PDXDC1: variants seen among roughly 807,000 people sequenced by gnomAD.
PDXDC1 encodes pyridoxal dependent decarboxylase domain containing 1, also known as pyridoxal-dependent decarboxylase domain-containing protein 1.
A neutral mutation model predicts 100.1 loss-of-function variants in PDXDC1; 42 were observed. The observed-to-expected ratio is 0.42, with a 90% CI of 0.33 to 0.54. The LOEUF (loss-of-function observed/expected upper bound fraction) is 0.54. Ranked by LOEUF, PDXDC1 falls within the 20% of genes least tolerant of loss-of-function variation. PDXDC1 has a pLI of 0.10. For missense variants in PDXDC1, 636 were observed against 979.2 expected, an observed-to-expected ratio of 0.65 and a Z score of 4.68; for synonymous variants, 260 against 371.7, an observed-to-expected ratio of 0.70 and a Z score of 3.46.
In PDXDC1 at chr16:15,037,993, C is replaced by T. The variant is rs781693945; in HGVS notation, c.*1718C>T. On this transcript the variant is annotated 3_prime_UTR_variant, in exon 23 of 23. Transcript: ENST00000396410. ...CGTGCCAGCCCCACCAATGGTCTGT[C>T]AGGCCAAGAAGGTGCTTTCTTTGGT... 5 of 1,536,550 alleles carry T rather than the reference C, an allele frequency of 3.3e-6. No individual in the cohort carries two copies. The Admixed American group carries it at 5.3e-5, about 16-fold the overall frequency.
chr16:15,102,360 T>C (rs2046586064), intron 16 of PDXDC1, among the ~76,000 whole-genome samples: 1 of 152,072 alleles, frequency 6.6e-6, no homozygotes, highest in Non-Finnish European at 1.5e-5. Flanking sequence ...GGGTGTAGCC[T>C]GGTGAGGCCT....
At chr16:15,151,879 C>T in the PDXDC1 span, among the ~76,000 whole-genome samples, 2 of 130,188 alleles carry the variant, frequency 1.5e-5, no homozygotes, top group East Asian at 4.3e-4. Context: ...TGCCATGAGC[C>T]GAGATCGTGC....
intron 17 of PDXDC1, 125 bp from the exon 18 acceptor site, chr16:15,032,736 G>A (rs1327759066): frequency 2.1e-5 from 13 of 633,122 alleles, no homozygotes; most frequent in East Asian, 5.8e-5. Context: ...GGAGACACTC[G>A]CAGTAGCTCT....
At chr16:15,003,407 G>A (rs1377161587) in intron 4 of PDXDC1, among the ~76,000 whole-genome samples, 1 of 152,086 alleles carries the variant, frequency 6.6e-6, no homozygotes, top group Non-Finnish European at 1.5e-5. Flanking sequence ...TAGTAGAGAT[G>A]GGGTTTCACC....
rs571088597 is a variant in PDXDC1, at chr16:14,998,263, G to A, written c.96-77G>A. 1.5e-4 allele frequency: 216 copies of A among 1,470,726 alleles called. No homozygotes were observed. In the East Asian group the frequency reaches 4.9e-3, roughly 33 times the overall value. 91.1% of individuals were successfully genotyped at this position (1,470,726 alleles called of 1,614,324 possible). A position where few individuals can be genotyped will look rare whatever the true frequency, so the allele number is the denominator to read the frequency against. On this transcript the variant is annotated intron_variant, in intron 2 of 22. Transcript: ENST00000396410. ...TCACTGGGAGGTTATAGGCAACATG[G>A]TCATGTTTGCATATTCAGGAGTTAG...
intron 16 of PDXDC1, among the ~76,000 whole-genome samples, chr16:15,053,634 G>C (rs1047698636): frequency 2.6e-5 from 4 of 152,090 alleles, no homozygotes; most frequent in Non-Finnish European, 4.4e-5. Context: ...ATCCAGGCCA[G>C]GTGGAGTGGC....
chr16:15,101,336 A>C (rs528140236), intron 16 of PDXDC1, among the ~76,000 whole-genome samples: 29 of 152,300 alleles, frequency 1.9e-4, no homozygotes, highest in Admixed American at 1.0e-3. Context: ...TTGTTTTTTG[A>C]GACGGAGTCT....
intron 8 of PDXDC1, among the ~76,000 whole-genome samples, chr16:15,010,733 A>G (rs2041191965): frequency 6.6e-6 from 1 of 152,296 alleles, no homozygotes; most frequent in Non-Finnish European, 1.5e-5. Context: ...ATAGATAGAA[A>G]ACTAAAGAAA....
intron 16 of PDXDC1, chr16:15,134,459 C>T: frequency 2.2e-6 from 1 of 451,556 alleles, no homozygotes; most frequent in South Asian, 2.0e-5. Context: ...GGCCTGGCCA[C>T]TGCCGGTGAG....
chr16:15,042,181 A>G (rs1405259629), downstream of PDXDC1, among the ~76,000 whole-genome samples: 1 of 143,788 alleles, frequency 7.0e-6, no homozygotes, highest in Non-Finnish European at 1.5e-5. Context: ...AGACAATTTT[A>G]TATCTTTTTT....
chr16:15,066,049 C>T (rs1466755994), intron 16 of PDXDC1, among the ~76,000 whole-genome samples: 1 of 152,180 alleles, frequency 6.6e-6, no homozygotes, highest in African/African-American at 2.4e-5. Context: ...ACAGCTTCTC[C>T]AAGATGAGGA....
At chr16:14,989,926 G>T (rs953500480) in intron 1 of PDXDC1, 1 of 1,489,520 alleles carries the variant, frequency 6.7e-7, no homozygotes, top group Non-Finnish European at 8.8e-7. Context: ...GCCTCGCCGC[G>T]CTCCCGCAGG....
intron 16 of PDXDC1, among the ~76,000 whole-genome samples, chr16:15,056,726 GA>G (rs1455852569): frequency 6.6e-6 from 1 of 152,186 alleles, no homozygotes; most frequent in African/African-American, 2.4e-5. Flanking sequence ...CCAGGAGTGG[GA>G]GGCTGCAATG....
intron 16 of PDXDC1, chr16:15,056,007 G>T (rs1258751180): frequency 2.6e-6 from 3 of 1,138,954 alleles, no homozygotes; most frequent in Admixed American, 9.1e-5. Flanking sequence ...CCAGGGAGGC[G>T]GCGGCCCCCC....
intron 1 of PDXDC1, chr16:14,990,126 C>T (rs1438004923): frequency 4.1e-6 from 6 of 1,458,754 alleles, no homozygotes; most frequent in African/African-American, 1.5e-5. Context: ...CGACAGCAGT[C>T]CCGGCAGCCC....
chr16:15,053,219 A>G (rs1289663057), intron 16 of PDXDC1, among the ~76,000 whole-genome samples: 1 of 152,232 alleles, frequency 6.6e-6, no homozygotes, highest in Non-Finnish European at 1.5e-5. Flanking sequence ...CAGGGTTCCA[A>G]TCCTGGCTTC....
chr16:15,001,414 G>A (rs181952667), intron 3 of PDXDC1, among the ~76,000 whole-genome samples: 9 of 152,396 alleles, frequency 5.9e-5, no homozygotes, highest in Admixed American at 2.6e-4. Context: ...GCTTAAACCC[G>A]GGAGGCAGAG....
downstream of PDXDC1, chr16:15,038,800 C>G (rs796141210): frequency 1.6e-6 from 1 of 613,816 alleles, no homozygotes; most frequent in African/African-American, 1.9e-5. Context: ...GCCTAAGCTT[C>G]TTAAAACCTG....
rs974182315 is a variant in PDXDC1 at position 15,109,913 on chromosome 16, G to A, written c.1400-28966G>A. On this transcript the variant is annotated intron_variant, in intron 16 of 16. Transcript: ENST00000535621. ...TCACGCCTCTAATCCCAGCACTTTG[G>A]GAGGCTGAGGCGGGTGGATTACCTG... Among the ~76,000 whole-genome samples, 16 of 143,554 alleles carry A rather than the reference G, an allele frequency of 1.1e-4. No individual in the cohort carries two copies. In the East Asian group the frequency reaches 3.2e-3, roughly 29 times the overall value. 94.2% of individuals were successfully genotyped at this position (143,554 alleles called of 152,430 possible).
Sources: gnomAD v4.1 joint callset for allele counts (sites outside exome capture counted in the v4.1 genomes callset) on GRCh38, gnomAD v4.1.1 for gene constraint, MANE v1.5 for transcripts, NCBI Gene and HGNC (gene_info 2026-07-23, HGNC 2026-07-21) for gene names.